The following RMND1 variants were observed in gnomAD, a reference collection of about 807,000 sequenced individuals.
RMND1 encodes required for meiotic nuclear division 1 homolog.
Under a neutral mutation model 54.0 loss-of-function variants are expected in RMND1, and 41 were observed. The ratio of observed to expected loss-of-function variants is 0.76; its 90% CI spans 0.59 to 0.98. The LOEUF (loss-of-function observed/expected upper bound fraction) is 0.98, where lower values mean the gene tolerates loss of function less well. RMND1 is among the 50% of genes least tolerant of loss of function. The pLI is 0.00. For missense variants in RMND1, 457 were observed against 532.0 expected, an observed-to-expected ratio of 0.86 and a Z score of 1.39; for synonymous variants, 183 against 181.7, an observed-to-expected ratio of 1.01 and a Z score of -0.06.
In RMND1 at chr6:151,404,785, C is replaced by G. The variant is rs1779551895; in HGVS notation, c.*450G>C. On this transcript the variant is annotated 3_prime_UTR_variant, in exon 12 of 12. Transcript: ENST00000444024. ...ACTAGATTCTTCATAATTTTATTCA[C>G]ACGATATACTGGGCTGAAAAAGATA... 6.5e-6 allele frequency: 1 copy of G among 152,684 alleles called. No individual in the cohort carries two copies. The allele number at this position is 152,684 out of a possible 1,614,324, so 9.5% of individuals were successfully genotyped here.
At chr6:151,442,585 C>T (rs1423226089) in intron 2 of RMND1, among the ~76,000 whole-genome samples, 2 of 152,010 alleles carry the variant, frequency 1.3e-5, no homozygotes, top group South Asian at 2.1e-4. Flanking sequence ...CTGGACGGAG[C>T]GAGGTGCAGT....
intron 1 of RMND1, among the ~76,000 whole-genome samples, chr6:151,450,945 A>G (rs372207963): frequency 1.3e-4 from 20 of 152,244 alleles, no homozygotes; most frequent in Non-Finnish European, 2.5e-4. Context: ...GTCCACTCAG[A>G]GTTGAATGGA....
intron 1 of RMND1, among the ~76,000 whole-genome samples, chr6:151,446,661 G>A (rs2114973066): frequency 6.6e-6 from 1 of 152,222 alleles, no homozygotes; most frequent in African/African-American, 2.4e-5. Context: ...CCAGCACTCT[G>A]GGAGGCTAAA....
At chr6:151,444,534 T>G (rs1780894267) in intron 2 of RMND1, 1 of 152,170 alleles carries the variant, frequency 6.6e-6, no homozygotes, top group Admixed American at 6.5e-5. Flanking sequence ...AGGGGCTACT[T>G]TTCAGAATCA....
intron 5 of RMND1, among the ~76,000 whole-genome samples, chr6:151,429,841 G>A (rs1431234706): frequency 1.3e-5 from 2 of 152,134 alleles, no homozygotes; most frequent in Non-Finnish European, 2.9e-5. Flanking sequence ...CCAATTAACT[G>A]CATACATTTT....
At chr6:151,414,581 GTC>G (rs1021061386) in intron 10 of RMND1, among the ~76,000 whole-genome samples, 5 of 152,042 alleles carry the variant, frequency 3.3e-5, no homozygotes, top group African/African-American at 1.2e-4. Context: ...AAAGCAGGAA[GTC>G]TCTGCAAAGA....
At chr6:151,446,203 G>A (rs979648469) in intron 1 of RMND1, among the ~76,000 whole-genome samples, 7 of 151,864 alleles carry the variant, frequency 4.6e-5, no homozygotes, top group Admixed American at 2.0e-4. Context: ...CAGGTGGATC[G>A]CTTGAGTCCA....
intron 10 of RMND1, among the ~76,000 whole-genome samples, chr6:151,410,246 G>A (rs9322318): frequency 0.3 from 45,832 of 151,656 alleles, 7,470 homozygotes; most frequent in East Asian, 0.46. Flanking sequence ...TAGTAGAGAC[G>A]GGGTCTCACC....
chr6:151,409,793 GACA>G (rs1779751211), intron 10 of RMND1, among the ~76,000 whole-genome samples: 2 of 152,116 alleles, frequency 1.3e-5, no homozygotes, highest in Admixed American at 1.3e-4. Flanking sequence ...TAGAAGTCAC[GACA>G]ACAAACAAGT....
chr6:151,437,705 A>C (rs1176196533), intron 2 of RMND1, among the ~76,000 whole-genome samples: 6 of 152,140 alleles, frequency 3.9e-5, no homozygotes, highest in Admixed American at 1.3e-4. Context: ...CTGGTATGAA[A>C]TTCTAGAGAA....
intron 1 of RMND1, among the ~76,000 whole-genome samples, chr6:151,448,644 C>T (rs985395613): frequency 1.3e-5 from 2 of 152,212 alleles, no homozygotes; most frequent in African/African-American, 4.8e-5. Context: ...CTATCCTTCC[C>T]ATGGATTATT....
chr6:151,448,597 G>A (rs922312786), intron 1 of RMND1, among the ~76,000 whole-genome samples: 2 of 152,058 alleles, frequency 1.3e-5, no homozygotes, highest in African/African-American at 4.8e-5. Context: ...AGGGACCACT[G>A]CTCATCATCA....
At chr6:151,413,404 A>G in intron 10 of RMND1, among the ~76,000 whole-genome samples, 1 of 152,152 alleles carries the variant, frequency 6.6e-6, no homozygotes, top group East Asian at 1.9e-4. Context: ...CTACAGGTGC[A>G]TGCCACCATG....
chr6:151,450,494 C>T (rs1187872334), intron 1 of RMND1, among the ~76,000 whole-genome samples: 8 of 137,794 alleles, frequency 5.8e-5, no homozygotes, highest in Non-Finnish European at 1.2e-4. Flanking sequence ...GGTGTCAGCC[C>T]CCCGCCCGGC....
At chr6:151,418,094 C>A (rs976416412) in intron 9 of RMND1, among the ~76,000 whole-genome samples, 1 of 152,120 alleles carries the variant, frequency 6.6e-6, no homozygotes, top group African/African-American at 2.4e-5. Flanking sequence ...GTGTGAGCCA[C>A]CATTCCCAGC....
intron 1 of RMND1, chr6:151,446,088 T>C (rs1562801426): frequency 2.9e-6 from 1 of 350,538 alleles, no homozygotes; most frequent in Admixed American, 4.4e-5. Context: ...AAAATAGTGA[T>C]GGGACCACTT....
At chr6:151,449,740 A>G (rs974297518) in intron 1 of RMND1, among the ~76,000 whole-genome samples, 1 of 151,552 alleles carries the variant, frequency 6.6e-6, no homozygotes, top group African/African-American at 2.4e-5. Flanking sequence ...GCTCACTGCA[A>G]CCTCCCTGCC....
At chr6:151,406,596 C>T (rs1334541232) in intron 10 of RMND1, among the ~76,000 whole-genome samples, 11 of 152,080 alleles carry the variant, frequency 7.2e-5, no homozygotes, top group Admixed American at 4.6e-4. Flanking sequence ...GTGATCCGCC[C>T]GCCTCGGCCT....
At chr6:151,424,254 A>AT (rs1380295313) in intron 6 of RMND1, among the ~76,000 whole-genome samples, 1 of 151,924 alleles carries the variant, frequency 6.6e-6, no homozygotes, top group African/African-American at 2.4e-5. Flanking sequence ...AGGTCAGGAG[A>AT]TTGAGACCAT....
Sources: gnomAD v4.1 joint callset for allele counts (sites outside exome capture counted in the v4.1 genomes callset) on GRCh38, gnomAD v4.1.1 for gene constraint, MANE v1.5 for transcripts, NCBI Gene and HGNC (gene_info 2026-07-23, HGNC 2026-07-21) for gene names.